Variants in UNC13A observed in about 807,000 individuals in gnomAD.
UNC13A encodes protein unc-13 homolog A.
A neutral mutation model predicts 219.7 loss-of-function variants in UNC13A; 61 were observed. The ratio of observed to expected loss-of-function variants is 0.28; its 90% CI spans 0.23 to 0.34. The LOEUF (loss-of-function observed/expected upper bound fraction) is 0.34, where lower values mean the gene tolerates loss of function less well. Among genes scored for constraint, UNC13A ranks in the 10% least tolerant of loss-of-function variants. The probability of loss-of-function intolerance (pLI) is 1.00; values close to 1 mark genes in which losing one functional copy is unlikely to be tolerated. For synonymous variants in UNC13A, 920 were observed against 884.6 expected (o/e 1.04, Z -0.71); for missense variants, 1,476 against 2,270.3 (o/e 0.65, Z 7.11).
At chr19:17,635,198 A>G (rs2076900830) in intron 26 of UNC13A, among the ~76,000 whole-genome samples, 1 of 151,442 alleles carries the variant, frequency 6.6e-6, no homozygotes, top group Non-Finnish European at 1.5e-5. Context: ...ATAGGGTTTC[A>G]CCATGTTGGC....
chr19:17,623,488 A>T, intron 36 of UNC13A, 54 bp downstream of exon 36: 1 of 1,482,340 alleles, frequency 6.7e-7, no homozygotes, highest in Admixed American at 2.0e-5. Context: ...CGGTGGGCCG[A>T]GTCCAGACAC....
intron 41 of UNC13A, 95 bp downstream of exon 41, chr19:17,617,607 C>T (rs562560735): frequency 3.3e-6 from 5 of 1,529,910 alleles, no homozygotes; most frequent in South Asian, 1.2e-5. Context: ...CCATCCATGA[C>T]GTCACAGGGG....
At chr19:17,607,460 CGG>C (rs113739921) in intron 43 of UNC13A, among the ~76,000 whole-genome samples, 579 of 40,092 alleles carry the variant, frequency 0.014, 10 homozygotes, top group African/African-American at 0.059. Flanking sequence ...ATGGGGGTGG[CGG>C]GGGGGGGGGT....
rs770098875 is a variant in UNC13A at position 17,642,967 on chromosome 19, G to A, written c.2357-7C>T. On this transcript the variant is annotated splice_region_variant and splice_polypyrimidine_tract_variant and intron_variant, in intron 19 of 43. Transcript: ENST00000519716. The stretch of plus-strand genomic sequence containing the variant: ...GATTTGTCAGTTCGCTTGTCTGCAG[G>A]GCAGAAAAAGAAGACAGTGTCAGAA... The A allele has an allele frequency of 5.6e-6, 9 of 1,594,748 alleles. No homozygotes were observed. Among genetic ancestry groups the A allele is most frequent in the South Asian group, 2.3e-5 (2 of 88,232 alleles).
intron 11 of UNC13A, among the ~76,000 whole-genome samples, chr19:17,653,370 G>A (rs556083728): frequency 9.9e-5 from 15 of 151,088 alleles, no homozygotes; most frequent in East Asian, 3.9e-4. Flanking sequence ...TGTTTGAGAC[G>A]GAGTTTCCCT....
At chr19:17,620,648 G>C (rs2076719588) in intron 38 of UNC13A, 45 bp downstream of exon 38, 1 of 1,586,514 alleles carries the variant, frequency 6.3e-7, no homozygotes, top group African/African-American at 1.3e-5. Flanking sequence ...TGGGGTGGGG[G>C]GGAGTGGGAT....
At chr19:17,630,364 C>A in intron 29 of UNC13A, 76 bp from the exon 30 acceptor site, 1 of 1,526,092 alleles carries the variant, frequency 6.6e-7, no homozygotes, top group Non-Finnish European at 8.8e-7. Flanking sequence ...CTCCCACTCT[C>A]CACGGGGAGA....
At chr19:17,670,122 A>G (rs955363572) in intron 4 of UNC13A, among the ~76,000 whole-genome samples, 3 of 151,150 alleles carry the variant, frequency 2.0e-5, no homozygotes, top group African/African-American at 7.3e-5. Context: ...GATTTTTTGT[A>G]TATTTAGTAG....
chr19:17,612,061 T>A, intron 41 of UNC13A: 1 of 507,546 alleles, frequency 2.0e-6, no homozygotes, highest in Non-Finnish European at 3.5e-6. Context: ...TGCTGTGTGA[T>A]CTTGGGTAGA....
At chr19:17,631,612 C>T (rs1003324082) in intron 28 of UNC13A, among the ~76,000 whole-genome samples, 6 of 152,110 alleles carry the variant, frequency 3.9e-5, no homozygotes, top group Admixed American at 6.5e-5. Context: ...TCTCAGGAAC[C>T]GGCGGCACCG....
Position 17,675,864 on chromosome 19 carries a change from C to A in UNC13A, c.52+148G>T. On this transcript the variant is annotated intron_variant, in intron 2 of 43. Transcript: ENST00000519716. ...GACCCCAGGCCAATGGCTGCCCCTCCCCCTATTTAATCTTCTGACCCCTCT... is the reference window on the plus strand; with the variant it reads ...GACCCCAGGCCAATGGCTGCCCCTCACCCTATTTAATCTTCTGACCCCTCT... 3.7e-6 allele frequency: 4 copies of A among 1,073,298 alleles called. No homozygotes were observed. The South Asian group carries it at 5.6e-5, about 15-fold the overall frequency. 66.5% of individuals were successfully genotyped at this position (1,073,298 alleles called of 1,614,324 possible).
chr19:17,642,768 G>C, intron 20 of UNC13A, 77 bp downstream of exon 20: 1 of 1,279,420 alleles, frequency 7.8e-7, no homozygotes. Context: ...GGATGGTGTG[G>C]CCAGAAAGAG....
At chr19:17,628,188 G>C (rs1292943794) in intron 31 of UNC13A, 4 of 546,974 alleles carry the variant, frequency 7.3e-6, no homozygotes, top group East Asian at 3.1e-5. Flanking sequence ...CAGGCCTGGT[G>C]GGGGGTCCAT....
At position 17,602,988 on chromosome 19, in the gene UNC13A, G is replaced by A. The variant is rs2076482074; in HGVS notation, c.*3066C>T. ...CAGTCCCATGGCATCAGGCTGGACTGGAGGAGAGACGGTGGCTGGGAAAGT... is the reference window on the plus strand; with the variant it reads ...CAGTCCCATGGCATCAGGCTGGACTAGAGGAGAGACGGTGGCTGGGAAAGT... On this transcript the variant is annotated 3_prime_UTR_variant, in exon 44 of 44. Transcript: ENST00000519716. 6.6e-6 allele frequency: 1 copy of A among 152,268 alleles called. No homozygotes were observed. The highest frequency in any genetic ancestry group is 1.5e-5 in the Non-Finnish European group (1 of 68,102). The allele number at this position is 152,268 out of a possible 1,614,324, so 9.4% of individuals were successfully genotyped here.
chr19:17,659,053 T>G (rs923685383), intron 8 of UNC13A, among the ~76,000 whole-genome samples: 1 of 147,178 alleles, frequency 6.8e-6, no homozygotes, highest in African/African-American at 2.4e-5. Flanking sequence ...ATTTTCTTCT[T>G]TATTCTTTTC....
intron 16 of UNC13A, 62 bp downstream of exon 16, chr19:17,648,369 C>T: frequency 7.1e-7 from 1 of 1,418,274 alleles, no homozygotes; most frequent in Non-Finnish European, 9.2e-7. Flanking sequence ...CCTTTCCCCG[C>T]CATGCAAGCC....
chr19:17,670,706 C>A (rs1297255522), intron 4 of UNC13A, among the ~76,000 whole-genome samples: 4 of 152,012 alleles, frequency 2.6e-5, no homozygotes, highest in Non-Finnish European at 5.9e-5. Context: ...GAGTTCAAGA[C>A]CAGCCTGGCC....
At position 17,630,262 on chromosome 19, in the gene UNC13A, T is replaced by C. The variant is rs191186164; in HGVS notation, c.3552A>G (p.Leu1184=). ...DGFQQTSEHA[L]FSCSVVDVFS... Reference sequence around the variant, plus strand: ...AAACATCCACCACGGAGCAGGAGAATAGGGCATGCTCTGAGGTCTGCTGGA... The same window carrying C: ...AAACATCCACCACGGAGCAGGAGAACAGGGCATGCTCTGAGGTCTGCTGGA... Residue 1184 remains leucine, a synonymous_variant, in exon 30 of 44, where the codon CTA becomes CTG. Transcript: ENST00000519716. The C allele has an allele frequency of 3.4e-3, 5,323 of 1,561,708 alleles. 13 individuals carry two copies. The highest frequency in any genetic ancestry group is 4.3e-3 in the Non-Finnish European group (4,992 of 1,152,762).
At chr19:17,650,855 C>T (rs1369504829) in intron 12 of UNC13A, among the ~76,000 whole-genome samples, 8 of 152,106 alleles carry the variant, frequency 5.3e-5, no homozygotes, top group East Asian at 1.9e-4. Context: ...TAGCCTCCAC[C>T]TCCTGGGCTA....
Sources: gnomAD v4.1 joint callset for allele counts (sites outside exome capture counted in the v4.1 genomes callset) on GRCh38, gnomAD v4.1.1 for gene constraint, MANE v1.5 for transcripts, NCBI Gene and HGNC (gene_info 2026-07-23, HGNC 2026-07-21) for gene names.